COL10A1: variants seen among roughly 807,000 people sequenced by gnomAD.
The protein encoded by COL10A1 is collagen type X alpha 1 chain.
Under a neutral mutation model 18.2 loss-of-function variants are expected in COL10A1, and 10 were observed. The observed-to-expected ratio is 0.55, with a 90% CI of 0.34 to 0.93. The LOEUF is 0.93. Among genes scored for constraint, COL10A1 ranks in the 40% least tolerant of loss-of-function variants. COL10A1 has a pLI of 0.02. For synonymous variants in COL10A1, 330 were observed against 316.6 expected (o/e 1.04, Z -0.45); for missense variants, 897 against 853.5 (o/e 1.05, Z -0.64).
the COL10A1 span, among the ~76,000 whole-genome samples, chr6:116,174,786 C>T: frequency 1.3e-5 from 2 of 152,178 alleles, no homozygotes; most frequent in African/African-American, 4.8e-5. Flanking sequence ...AATTCTACCA[C>T]TTGCTTTGCA....
the COL10A1 span, among the ~76,000 whole-genome samples, chr6:116,174,174 A>G: frequency 3.0e-3 from 453 of 152,236 alleles, 2 homozygotes; most frequent in African/African-American, 0.01. Flanking sequence ...TACCTGACCA[A>G]CATAGCATTT....
the COL10A1 span, among the ~76,000 whole-genome samples, chr6:116,193,085 C>G: frequency 5.9e-5 from 9 of 152,172 alleles, no homozygotes; most frequent in African/African-American, 2.2e-4. Flanking sequence ...CTTACAGACT[C>G]TCATATATTA....
chr6:116,128,663 A>G (rs953177463), upstream of COL10A1, among the ~76,000 whole-genome samples: 5 of 152,128 alleles, frequency 3.3e-5, no homozygotes, highest in African/African-American at 9.7e-5. Flanking sequence ...TATATATTCT[A>G]TACCCTTAAA....
chr6:116,141,927 C>T (rs1232933857), intron 1 of COL10A1, among the ~76,000 whole-genome samples: 1 of 146,436 alleles, frequency 6.8e-6, no homozygotes, highest in African/African-American at 2.5e-5. Flanking sequence ...CACACACACA[C>T]TGTAAATGTG....
At chr6:116,143,657 A>G (rs1779820042) in intron 1 of COL10A1, among the ~76,000 whole-genome samples, 1 of 152,052 alleles carries the variant, frequency 6.6e-6, no homozygotes, top group South Asian at 2.1e-4. Context: ...ATTGCTGTTA[A>G]TTTAATATTT....
chr6:116,187,391 G>GCCATTT, the COL10A1 span, among the ~76,000 whole-genome samples: 3 of 152,194 alleles, frequency 2.0e-5, no homozygotes, highest in South Asian at 6.2e-4. Context: ...AATGAAAAGG[G>GCCATTT]CCATGAAGAG....
intron 1 of COL10A1, among the ~76,000 whole-genome samples, chr6:116,138,538 C>T (rs187546287): frequency 6.6e-6 from 1 of 152,228 alleles, no homozygotes; most frequent in East Asian, 1.9e-4. Flanking sequence ...TAATTAAAAA[C>T]GAAGCTAATT....
the COL10A1 span, among the ~76,000 whole-genome samples, chr6:116,178,333 A>G: frequency 6.6e-6 from 1 of 152,116 alleles, no homozygotes; most frequent in Non-Finnish European, 1.5e-5. Flanking sequence ...GTATGGCCAT[A>G]AGCCCTAGGA....
chr6:116,163,566 A>G (rs1045875893), upstream of COL10A1, among the ~76,000 whole-genome samples: 4 of 152,000 alleles, frequency 2.6e-5, no homozygotes, highest in South Asian at 4.2e-4. Flanking sequence ...TTCTTAAACA[A>G]CCAACTTTTG....
the COL10A1 span, among the ~76,000 whole-genome samples, chr6:116,171,871 T>G: frequency 1.3e-5 from 2 of 152,196 alleles, no homozygotes; most frequent in Non-Finnish European, 2.9e-5. Flanking sequence ...ACAGTTGTCT[T>G]TAAATTTGTT....
chr6:116,147,921 G>C (rs1779938576), intron 1 of COL10A1, among the ~76,000 whole-genome samples: 1 of 151,992 alleles, frequency 6.6e-6, no homozygotes, highest in Non-Finnish European at 1.5e-5. Flanking sequence ...GGGAGGCGGA[G>C]GTTGCAGGGA....
intron 1 of COL10A1, among the ~76,000 whole-genome samples, chr6:116,133,504 T>C (rs555519625): frequency 1.3e-5 from 2 of 152,290 alleles, no homozygotes; most frequent in South Asian, 4.2e-4. Context: ...ACCTGTAGAA[T>C]ATTAAGTACC....
At chr6:116,129,840 T>C (rs1451068879), upstream of COL10A1, among the ~76,000 whole-genome samples, 2 of 152,174 alleles carry the variant, frequency 1.3e-5, no homozygotes, top group African/African-American at 4.8e-5. Flanking sequence ...CTAGAATTTG[T>C]TGTCACTTAA....
At chr6:116,165,653 A>T in the COL10A1 span, among the ~76,000 whole-genome samples, 1 of 152,232 alleles carries the variant, frequency 6.6e-6, no homozygotes. Context: ...ACCAACCACC[A>T]GTACCACCCC....
At position 116,120,570 on chromosome 6, in the gene COL10A1, G is replaced by C; in HGVS notation, c.1546C>G (p.Pro516Ala). The C allele has an allele frequency of 6.2e-7, 1 of 1,606,524 alleles. No homozygotes were observed. Among genetic ancestry groups the C allele is most frequent in the Non-Finnish European group, 8.5e-7 (1 of 1,176,382 alleles). Reference sequence around the variant, plus strand: ...CCCTCAGGCATGACTGCTTGACCTGGTGGGCCTGGAGGCCCAGGGGGCCCT... The same window carrying C: ...CCCTCAGGCATGACTGCTTGACCTGCTGGGCCTGGAGGCCCAGGGGGCCCT... ...LPGPPGPPGP[P>A]GQAVMPEGFI... The change falls in exon 3 of 3, where the codon CCA becomes GCA. Residue 516 changes from proline to alanine, a missense_variant. Transcript: ENST00000651968.
In COL10A1 at chr6:116,120,432, A is replaced by T. The variant is rs1205769692; in HGVS notation, c.1684T>A (p.Tyr562Asn). The T allele has an allele frequency of 1.9e-6, 3 of 1,614,238 alleles. No homozygotes were observed. Among genetic ancestry groups the T allele is most frequent in the Non-Finnish European group, 2.5e-6 (3 of 1,180,036 alleles). ...GGTATGGGAGTTCCTATTGCTGGGTAAGCTTTGGAGAGAATAACAGTAAAA... is the reference window on the plus strand; with the variant it reads ...GGTATGGGAGTTCCTATTGCTGGGTTAGCTTTGGAGAGAATAACAGTAAAA... The part of the protein sequence containing the change: ...SAFTVILSKA[Y>N]PAIGTPIPFD... Residue 562 changes from tyrosine (Y) to asparagine (N), a missense_variant, in exon 3 of 3, where the codon TAC becomes AAC. Physicochemically the swap from Tyr to Asn is moderately radical, Grantham distance 143. Transcript: ENST00000651968.
intron 2 of COL10A1, 137 bp downstream of exon 2, chr6:116,125,201 CT>C (rs1339341611): frequency 6.8e-6 from 6 of 885,056 alleles, no homozygotes; most frequent in Non-Finnish European, 8.7e-6. Flanking sequence ...TCACAGATCA[CT>C]TTGTTGTAAT....
the COL10A1 span, among the ~76,000 whole-genome samples, chr6:116,185,598 TC>T: frequency 6.6e-6 from 1 of 152,116 alleles, no homozygotes; most frequent in South Asian, 2.1e-4. Flanking sequence ...GTTGGACTAG[TC>T]CTTTTATCCT....
chr6:116,120,630 C>T lies in COL10A1; in HGVS notation c.1486G>A (p.Gly496Ser). The T allele has an allele frequency of 1.3e-6, 2 of 1,554,144 alleles. No homozygotes were observed. Among genetic ancestry groups the T allele is most frequent in the Non-Finnish European group, 1.7e-6 (2 of 1,157,998 alleles). The change falls in exon 3 of 3, where the codon GGT becomes AGT. Residue 496 changes from glycine (G) to serine (S), a missense_variant. By Grantham distance (56) the Gly-to-Ser change is moderately conservative. Transcript: ENST00000651968. ...GGCTCTCCAGAGTGGCCTCTTGGACCTGGAGGCCCTGGTGGCCCGGTGGGT... is the reference window on the plus strand; with the variant it reads ...GGCTCTCCAGAGTGGCCTCTTGGACTTGGAGGCCCTGGTGGCCCGGTGGGT... Reference protein sequence around the residue: ...NGPTGPPGPPGPRGHSGEPGL... With the variant: ...NGPTGPPGPPSPRGHSGEPGL...
Sources: gnomAD v4.1 joint callset for allele counts (sites outside exome capture counted in the v4.1 genomes callset) on GRCh38, gnomAD v4.1.1 for gene constraint, MANE v1.5 for transcripts, NCBI Gene and HGNC (gene_info 2026-07-23, HGNC 2026-07-21) for gene names.